KAT2B: variants seen among roughly 807,000 people sequenced by gnomAD.
KAT2B encodes the protein histone acetyltransferase KAT2B.
A neutral mutation model predicts 105.9 loss-of-function variants in KAT2B; 36 were observed. The ratio of observed to expected loss-of-function variants is 0.34; its 90% CI spans 0.26 to 0.45. KAT2B has a LOEUF of 0.45. KAT2B is among the 20% of genes least tolerant of loss of function. The pLI is 1.00. For synonymous variants in KAT2B, 397 were observed against 377.9 expected, an observed-to-expected ratio of 1.05 and a Z score of -0.59; for missense variants, 820 against 1,021.6, an observed-to-expected ratio of 0.80 and a Z score of 2.69.
intron 3 of KAT2B, 58 bp from the exon 4 acceptor site, chr3:20,099,804 A>G: frequency 1.2e-6 from 1 of 821,836 alleles, no homozygotes; most frequent in East Asian, 2.5e-5. Context: ...GAGAGGAGAG[A>G]GAGATAGACA....
chr3:20,073,196 G>T (rs187787349), intron 2 of KAT2B, among the ~76,000 whole-genome samples: 1 of 152,092 alleles, frequency 6.6e-6, no homozygotes, highest in African/African-American at 2.4e-5. Context: ...TTCAGTCCAC[G>T]AAGAATCTTA....
rs934930035 is a variant in KAT2B at position 20,153,823 on chromosome 3, G to A, written c.*1298G>A. On this transcript the variant is annotated 3_prime_UTR_variant, in exon 18 of 18. Transcript: ENST00000263754. ...TTGTAAAGGACAAAGTTTTAAAAGC[G>A]TATTTAACTTGATGTTTTCTATCAG... 5 of 152,506 alleles carry A rather than the reference G, an allele frequency of 3.3e-5. No individual in the cohort carries two copies. Among genetic ancestry groups the A allele is most frequent in the African/African-American group, 9.7e-5 (4 of 41,418 alleles). 9.4% of individuals were successfully genotyped at this position (152,506 alleles called of 1,614,324 possible). A position where few individuals can be genotyped will look rare whatever the true frequency, so the allele number is the denominator to read the frequency against.
intron 12 of KAT2B, among the ~76,000 whole-genome samples, chr3:20,138,638 G>A (rs1261428651): frequency 6.6e-6 from 1 of 152,124 alleles, no homozygotes; most frequent in Non-Finnish European, 1.5e-5. Context: ...ATTTATTTAT[G>A]TGAAGTTTGA....
chr3:20,120,607 A>G (rs901730000), intron 8 of KAT2B, among the ~76,000 whole-genome samples: 1 of 152,212 alleles, frequency 6.6e-6, no homozygotes, highest in Non-Finnish European at 1.5e-5. Flanking sequence ...GGAAAAAGGT[A>G]GTCTATTCCT....
intron 2 of KAT2B, among the ~76,000 whole-genome samples, chr3:20,081,184 T>C (rs1285301796): frequency 6.6e-6 from 1 of 152,212 alleles, no homozygotes; most frequent in East Asian, 1.9e-4. Flanking sequence ...TCAAATCCTA[T>C]TGTGTTATTT....
intron 1 of KAT2B, among the ~76,000 whole-genome samples, chr3:20,069,517 T>C (rs1273404406): frequency 6.8e-6 from 1 of 146,502 alleles, no homozygotes; most frequent in Non-Finnish European, 1.5e-5. Context: ...TCTTTTTCTT[T>C]TCTTTTCTTT....
At chr3:20,145,908 G>C (rs1005927053) in intron 13 of KAT2B, among the ~76,000 whole-genome samples, 1 of 152,162 alleles carries the variant, frequency 6.6e-6, no homozygotes, top group East Asian at 1.9e-4. Flanking sequence ...GAAGGGAACA[G>C]TTCCTAGTTA....
chr3:20,058,473 A>AAAT (rs1698040540), intron 1 of KAT2B, among the ~76,000 whole-genome samples: 1 of 151,564 alleles, frequency 6.6e-6, no homozygotes, highest in African/African-American at 2.4e-5. Flanking sequence ...AAAAAAAAAA[A>AAAT]AAGGTTTTCA....
At chr3:20,127,349 A>G in intron 10 of KAT2B, 74 bp from the exon 11 acceptor site, 2 of 1,337,578 alleles carry the variant, frequency 1.5e-6, no homozygotes, top group Non-Finnish European at 2.1e-6. Flanking sequence ...TTAGTTGGTT[A>G]ATAAGGAACA....
At chr3:20,101,596 TTTATAATTTAAC>T (rs1419167048) in intron 5 of KAT2B, 128 bp downstream of exon 5, 6 of 699,318 alleles carry the variant, frequency 8.6e-6, no homozygotes, top group African/African-American at 3.6e-5. Flanking sequence ...AGATAATGTC[TTTATAATTTAAC>T]TTGCAAACTC....
chr3:20,052,383 G>T (rs1697930399), intron 1 of KAT2B, among the ~76,000 whole-genome samples: 1 of 152,188 alleles, frequency 6.6e-6, no homozygotes, highest in African/African-American at 2.4e-5. Flanking sequence ...GCCCATAGGA[G>T]AAACAGACAA....
rs1333700736 is a variant in KAT2B at position 20,062,187 on chromosome 3, TAA to T, written c.304-10143_304-10142del. Among the ~76,000 whole-genome samples the T allele has an allele frequency of 9.2e-4, 39 of 42,300 alleles. 2 individuals are homozygous for T. The highest frequency in any genetic ancestry group is 3.4e-3 in the African/African-American group (39 of 11,518). The allele number at this position is 42,300 out of a possible 152,430, so 27.8% of individuals were successfully genotyped here. A position where few individuals can be genotyped will look rare whatever the true frequency, so the allele number is the denominator to read the frequency against. On this transcript the variant is annotated intron_variant, in intron 1 of 17. Transcript: ENST00000263754. ...TATAATATATATAATATATAATATA[TAA>T]AATATATATATTTTATATAAAATAT...
At position 20,119,731 on chromosome 3, in the gene KAT2B, C is replaced by G; in HGVS notation, c.1276+8C>G. The G allele has an allele frequency of 1.2e-6, 2 of 1,613,868 alleles. No homozygotes were observed. The highest frequency in any genetic ancestry group is 1.7e-6 in the Non-Finnish European group (2 of 1,179,862). On this transcript the variant is annotated splice_region_variant and intron_variant, in intron 8 of 17. Transcript: ENST00000263754. Reference sequence around the variant, plus strand: ...GACTTGAGGCAAACCCAGGTAAGCTCTTAAGAGGGGATAAGAGAGGGCTGT... The same window carrying G: ...GACTTGAGGCAAACCCAGGTAAGCTGTTAAGAGGGGATAAGAGAGGGCTGT...
chr3:20,090,642 C>T (rs1053873564), intron 2 of KAT2B, among the ~76,000 whole-genome samples: 7 of 152,136 alleles, frequency 4.6e-5, no homozygotes, highest in Non-Finnish European at 1.0e-4. Flanking sequence ...GGATATTGGC[C>T]TGTAATATTC....
chr3:20,055,389 A>G (rs148471575), intron 1 of KAT2B, among the ~76,000 whole-genome samples: 4 of 152,310 alleles, frequency 2.6e-5, no homozygotes, highest in South Asian at 2.1e-4. Context: ...GAAGCAGACA[A>G]TAAGCCAGAA....
At chr3:20,116,708 C>T (rs1415169555) in intron 7 of KAT2B, among the ~76,000 whole-genome samples, 2 of 152,088 alleles carry the variant, frequency 1.3e-5, no homozygotes, top group East Asian at 1.9e-4. Context: ...ATAATTGATA[C>T]ATTTATTAAG....
intron 12 of KAT2B, among the ~76,000 whole-genome samples, chr3:20,138,368 A>G: frequency 8.3e-6 from 1 of 120,286 alleles, no homozygotes; most frequent in South Asian, 3.5e-4. Flanking sequence ...TTTGTTGTAG[A>G]AATAGAAAAT....
chr3:20,125,191 C>A (rs865875340), intron 9 of KAT2B, among the ~76,000 whole-genome samples: 2 of 150,052 alleles, frequency 1.3e-5, no homozygotes, highest in Non-Finnish European at 3.0e-5. Flanking sequence ...GGCGCCGTGG[C>A]AGGCTCCAGA....
In KAT2B at chr3:20,069,945, A is replaced by G. The variant is rs1698289983; in HGVS notation, c.304-2388A>G. ...AATTCTCATGACAATTTCCTTCAAG[A>G]ACATGGCCTCTGAGATCTTTGCAAC... On this transcript the variant is annotated intron_variant, in intron 1 of 17. Transcript: ENST00000263754. 2.0e-5 allele frequency among the ~76,000 whole-genome samples: 3 copies of G among 152,208 alleles called. No homozygotes were observed. In the South Asian group the frequency reaches 6.2e-4, roughly 32 times the overall value.
Sources: allele counts gnomAD v4.1 joint callset (sites outside exome capture counted in the v4.1 genomes callset), GRCh38; gene constraint gnomAD v4.1.1; transcripts MANE v1.5; gene names NCBI Gene and HGNC (gene_info 2026-07-23, HGNC 2026-07-21).